Variants in ZNF730 observed in about 807,000 individuals in gnomAD.
ZNF730 encodes the protein zinc finger protein 730.
Under a neutral mutation model 12.6 loss-of-function variants are expected in ZNF730, and 12 were observed. That is an observed-to-expected ratio of 0.95 (90% CI 0.61 to 1.54). The LOEUF (loss-of-function observed/expected upper bound fraction) is 1.54, where lower values mean the gene tolerates loss of function less well. Among genes scored for constraint, ZNF730 ranks in the 40% most tolerant of loss-of-function variants. ZNF730 has a pLI of 0.00. For synonymous variants in ZNF730, 194 were observed against 195.8 expected (o/e 0.99, Z 0.08); for missense variants, 643 against 583.5 (o/e 1.10, Z -1.05).
At chr19:23,142,925 T>C (rs1205496432) in intron 3 of ZNF730, among the ~76,000 whole-genome samples, 1 of 152,044 alleles carries the variant, frequency 6.6e-6, no homozygotes, top group African/African-American at 2.4e-5. Flanking sequence ...TTGTGGTACC[T>C]TGGGGATTAC....
intron 1 of ZNF730, among the ~76,000 whole-genome samples, chr19:23,077,493 A>G (rs1351484127): frequency 8.3e-6 from 1 of 121,042 alleles, no homozygotes; most frequent in Admixed American, 1.2e-4. Context: ...GCTGGAGTGC[A>G]GTAGCAGTGT....
chr19:23,084,783 G>A (rs946519191), intron 1 of ZNF730, among the ~76,000 whole-genome samples: 2 of 152,002 alleles, frequency 1.3e-5, no homozygotes, highest in Admixed American at 6.6e-5. Flanking sequence ...GCCTGCAAAG[G>A]ACATGATCTC....
chr19:23,127,685 G>T, intron 1 of ZNF730: 1 of 1,237,070 alleles, frequency 8.1e-7, no homozygotes, highest in South Asian at 1.2e-5. Context: ...AAGAGCATCA[G>T]AAATGTCCAC....
At chr19:23,135,126 C>G (rs886645763) in intron 2 of ZNF730, among the ~76,000 whole-genome samples, 191 of 134,080 alleles carry the variant, frequency 1.4e-3, no homozygotes, top group Non-Finnish European at 2.5e-3. Flanking sequence ...AAACCAGAGA[C>G]CTTTGTTCAC....
Position 23,146,423 on chromosome 19 carries a change from C to G in ZNF730, c.1379C>G (p.Ala460Gly), listed in dbSNP as rs1202338519. 17 of 1,612,912 alleles carry G rather than the reference C, an allele frequency of 1.1e-5. No individual in the cohort carries two copies. In the East Asian group the frequency reaches 3.6e-4, roughly 34 times the overall value. ...TATGAATGTGAAGAATGTGGCAAAGCTTTTAACCGGTCCTCAACCCTCACT... is the reference window on the plus strand; with the variant it reads ...TATGAATGTGAAGAATGTGGCAAAGGTTTTAACCGGTCCTCAACCCTCACT... Reference protein sequence around the residue: ...KPYECEECGKAFNRSSTLTTH... With the variant: ...KPYECEECGKGFNRSSTLTTH... The change falls in exon 4 of 4, where the codon GCT becomes GGT. Residue 460 changes from alanine to glycine, a missense_variant. Physicochemically the swap from Ala to Gly is moderately conservative, Grantham distance 60. Coordinates refer to ENST00000597761, the MANE Select transcript of ZNF730 (RefSeq NM_001277403.2).
rs57120684 is a variant in ZNF730, at chr19:23,107,449, C to CAAAAAAAAAAAAA, written c.-93-26617_-93-26605dup. On this transcript the variant is annotated intron_variant, in intron 1 of 2. Transcript: ENST00000593635. The stretch of plus-strand genomic sequence containing the variant: ...TGTCTCTACTTTAAAAAAAAAATAC[C>CAAAAAAAAAAAAA]AAAAAAAAAAAAAAAAAAAAAAAAA... Among the ~76,000 whole-genome samples the CAAAAAAAAAAAAA allele has an allele frequency of 3.0e-4, 14 of 47,318 alleles. 1 individual carries two copies. Among genetic ancestry groups the CAAAAAAAAAAAAA allele is most frequent in the African/African-American group, 8.5e-4 (10 of 11,790 alleles). The allele number at this position is 47,318 out of a possible 152,430, so 31.0% of individuals were successfully genotyped here. A position where few individuals can be genotyped will look rare whatever the true frequency, so the allele number is the denominator to read the frequency against.
chr19:23,134,904 C>A (rs1170506612), intron 2 of ZNF730, among the ~76,000 whole-genome samples: 1 of 87,302 alleles, frequency 1.1e-5, no homozygotes, highest in East Asian at 2.9e-4. Context: ...GCCTTGGGAT[C>A]CTGTTGATCT....
At chr19:23,078,596 T>C (rs1969908343) in intron 1 of ZNF730, among the ~76,000 whole-genome samples, 1 of 152,224 alleles carries the variant, frequency 6.6e-6, no homozygotes, top group Admixed American at 6.5e-5. Flanking sequence ...CAATAAATAC[T>C]GAGGGAACTC....
chr19:23,115,457 T>C (rs1970507868), upstream of ZNF730, among the ~76,000 whole-genome samples: 1 of 152,196 alleles, frequency 6.6e-6, no homozygotes, highest in Non-Finnish European at 1.5e-5. Context: ...TGGAATCTGT[T>C]TTCCAGACCC....
intron 3 of ZNF730, among the ~76,000 whole-genome samples, chr19:23,139,093 G>A (rs1418595199): frequency 2.0e-5 from 3 of 152,072 alleles, no homozygotes; most frequent in Non-Finnish European, 4.4e-5. Flanking sequence ...TAGGCAGGCA[G>A]GCAAAAAGAA....
chr19:23,133,426 C>CT (rs1354986673), intron 1 of ZNF730, among the ~76,000 whole-genome samples: 1 of 152,184 alleles, frequency 6.6e-6, no homozygotes, highest in Non-Finnish European at 1.5e-5. Context: ...ACTGCAACCT[C>CT]TGTTTCCCAG....
chr19:23,103,288 G>T (rs1970356287), intron 1 of ZNF730, among the ~76,000 whole-genome samples: 1 of 152,198 alleles, frequency 6.6e-6, no homozygotes, highest in Non-Finnish European at 1.5e-5. Context: ...ATCTTGCAAA[G>T]AATTCCATGT....
At chr19:23,122,163 CAG>C (rs1219243533) in intron 1 of ZNF730, among the ~76,000 whole-genome samples, 1 of 78,380 alleles carries the variant, frequency 1.3e-5, no homozygotes, top group African/African-American at 5.0e-5. Context: ...TTTTTTTAGA[CAG>C]AGTTTCACTC....
chr19:23,105,756 C>T (rs1234334558), intron 1 of ZNF730, among the ~76,000 whole-genome samples: 2 of 152,118 alleles, frequency 1.3e-5, no homozygotes, highest in Non-Finnish European at 2.9e-5. Flanking sequence ...CTGTGTATTG[C>T]TAACTTTATT....
intron 1 of ZNF730, among the ~76,000 whole-genome samples, chr19:23,121,337 TTG>T (rs3048873): frequency 0.36 from 54,612 of 150,500 alleles, 10,821 homozygotes; most frequent in African/African-American, 0.54. Flanking sequence ...TCTAAGAACT[TTG>T]TGTGTGTGTG....
upstream of ZNF730, among the ~76,000 whole-genome samples, chr19:23,116,330 T>G (rs1026742063): frequency 2.9e-5 from 4 of 139,158 alleles, no homozygotes; most frequent in Admixed American, 1.4e-4. Context: ...TTTTCTTTCT[T>G]TCTTTCCTTT....
Position 23,145,777 on chromosome 19 carries a change from A to G in ZNF730, c.733A>G (p.Thr245Ala), listed in dbSNP as rs1970996681. ...CTTTAACTGGTTTTCACATTTTACT[A>G]CACATAAGAGAATTCATACTGGAGA... ...KAFNWFSHFTTHKRIHTGEKP... is the reference protein window; with the variant it reads ...KAFNWFSHFTAHKRIHTGEKP... Residue 245 changes from threonine to alanine, a missense_variant, in exon 4 of 4, where the codon ACA becomes GCA. Transcript: ENST00000597761. The G allele has an allele frequency of 1.3e-6, 2 of 1,577,472 alleles. No homozygotes were observed. Among genetic ancestry groups the G allele is most frequent in the African/African-American group, 1.4e-5 (1 of 73,708 alleles).
upstream of ZNF730, among the ~76,000 whole-genome samples, chr19:23,114,306 T>TTTTTC (rs1568309536): frequency 1.9e-5 from 1 of 52,146 alleles, no homozygotes; most frequent in Non-Finnish European, 4.6e-5. Context: ...TTTTCTTTTC[T>TTTTTC]TTTTTTTTTT....
intron 1 of ZNF730, among the ~76,000 whole-genome samples, chr19:23,117,497 C>T (rs767515714): frequency 1.6e-4 from 25 of 152,276 alleles, no homozygotes; most frequent in African/African-American, 2.9e-4. Flanking sequence ...AATCCTGACT[C>T]GGGCTGCGGG....
Sources: gnomAD v4.1 joint callset for allele counts (sites outside exome capture counted in the v4.1 genomes callset) on GRCh38, gnomAD v4.1.1 for gene constraint, MANE v1.5 for transcripts, NCBI Gene and HGNC (gene_info 2026-07-23, HGNC 2026-07-21) for gene names.